Variants in PLEKHM3 observed in about 807,000 individuals in gnomAD.
PLEKHM3 encodes pleckstrin homology domain containing M3.
Under a neutral mutation model 81.8 loss-of-function variants are expected in PLEKHM3, and 45 were observed. The ratio of observed to expected loss-of-function variants is 0.55; its 90% CI spans 0.43 to 0.71. The LOEUF is 0.71. PLEKHM3 is among the 30% of genes least tolerant of loss of function. The probability of loss-of-function intolerance (pLI) is 0.00; values close to 1 mark genes in which losing one functional copy is unlikely to be tolerated. For synonymous variants in PLEKHM3, 352 were observed against 356.4 expected (o/e 0.99, Z 0.14); for missense variants, 788 against 924.3 (o/e 0.85, Z 1.91).
intron 1 of PLEKHM3, among the ~76,000 whole-genome samples, chr2:208,003,432 A>C (rs1385900055): frequency 6.6e-6 from 1 of 152,156 alleles, no homozygotes; most frequent in African/African-American, 2.4e-5. Flanking sequence ...TAGGTCATTA[A>C]ACCACTACAT....
chr2:207,979,406 C>CCT (rs1691444571), intron 2 of PLEKHM3, among the ~76,000 whole-genome samples: 1 of 152,006 alleles, frequency 6.6e-6, no homozygotes, highest in Non-Finnish European at 1.5e-5. Flanking sequence ...TGGTGGCATG[C>CCT]GCCTGTAATC....
Position 207,828,047 on chromosome 2 carries a change from A to G in PLEKHM3, c.*272T>C, listed in dbSNP as rs918603264. ...TGTATACCACGTTTTGTCTGGGAGCAAGCAGCTGAAATTCTTGGCTAAGTG... is the reference window on the plus strand; with the variant it reads ...TGTATACCACGTTTTGTCTGGGAGCGAGCAGCTGAAATTCTTGGCTAAGTG... On this transcript the variant is annotated 3_prime_UTR_variant, in exon 8 of 8. Coordinates refer to ENST00000427836, the MANE Select transcript of PLEKHM3 (RefSeq NM_001080475.3). 11 of 234,772 alleles carry G rather than the reference A, an allele frequency of 4.7e-5. No individual in the cohort carries two copies. The highest frequency in any genetic ancestry group is 8.9e-5 in the Non-Finnish European group (11 of 124,164). 14.5% of individuals were successfully genotyped at this position (234,772 alleles called of 1,614,324 possible). A position where few individuals can be genotyped will look rare whatever the true frequency, so the allele number is the denominator to read the frequency against.
chr2:207,940,755 A>G (rs1273251465), intron 4 of PLEKHM3, among the ~76,000 whole-genome samples: 4 of 152,228 alleles, frequency 2.6e-5, no homozygotes, highest in Non-Finnish European at 4.4e-5. Flanking sequence ...GGTGAGGAGC[A>G]ACAAAAAAGC....
intron 5 of PLEKHM3, chr2:207,929,943 A>T: frequency 1.4e-6 from 1 of 695,784 alleles, no homozygotes. Context: ...GGTCATTTCT[A>T]TTAAAACAAA....
Position 207,882,158 on chromosome 2 carries a change from T to G in PLEKHM3, c.1951-20896A>C, listed in dbSNP as rs965903552. Among the ~76,000 whole-genome samples, 11 of 152,332 alleles carry G rather than the reference T, an allele frequency of 7.2e-5. No individual in the cohort carries two copies. The East Asian group carries it at 1.9e-3, about 27-fold the overall frequency. ...ATGCCAGTAACATATTTTAGTCATTTGGGGAATGGGCAGCTTTAGAAACCA... is the reference window on the plus strand; with the variant it reads ...ATGCCAGTAACATATTTTAGTCATTGGGGGAATGGGCAGCTTTAGAAACCA... On this transcript the variant is annotated intron_variant, in intron 6 of 7. Transcript: ENST00000427836.
intron 6 of PLEKHM3, among the ~76,000 whole-genome samples, chr2:207,874,827 T>C (rs985561021): frequency 1.3e-5 from 2 of 151,868 alleles, no homozygotes; most frequent in Non-Finnish European, 2.9e-5. Context: ...CCTGACCTCA[T>C]GATCCGCCCG....
At chr2:207,867,730 T>C (rs1048917994) in intron 6 of PLEKHM3, among the ~76,000 whole-genome samples, 2 of 152,104 alleles carry the variant, frequency 1.3e-5, no homozygotes, top group African/African-American at 4.8e-5. Context: ...TTTATAAATA[T>C]ATTATTTATT....
intron 7 of PLEKHM3, among the ~76,000 whole-genome samples, chr2:207,852,139 T>C (rs887031776): frequency 3.9e-5 from 6 of 152,132 alleles, no homozygotes; most frequent in African/African-American, 1.4e-4. Context: ...TTCAAATTGA[T>C]TTTAGGGGGT....
At chr2:207,862,828 A>G (rs2092474620) in intron 6 of PLEKHM3, among the ~76,000 whole-genome samples, 1 of 152,192 alleles carries the variant, frequency 6.6e-6, no homozygotes, top group Non-Finnish European at 1.5e-5. Flanking sequence ...TAAAAACTGA[A>G]GTGGTTTTTA....
intron 2 of PLEKHM3, among the ~76,000 whole-genome samples, chr2:207,999,800 T>A (rs898334795): frequency 5.3e-5 from 8 of 152,212 alleles, no homozygotes; most frequent in African/African-American, 1.9e-4. Flanking sequence ...AACAGACATA[T>A]TAAACTATAT....
At chr2:207,859,312 A>G (rs2092454712) in intron 7 of PLEKHM3, among the ~76,000 whole-genome samples, 1 of 151,138 alleles carries the variant, frequency 6.6e-6, no homozygotes, top group Non-Finnish European at 1.5e-5. Context: ...CTAATTTTGT[A>G]TTTTTAGTAG....
chr2:207,996,201 G>C (rs1021266351), intron 2 of PLEKHM3, among the ~76,000 whole-genome samples: 4 of 152,164 alleles, frequency 2.6e-5, no homozygotes, highest in African/African-American at 9.7e-5. Context: ...CACAGTCAGG[G>C]AGAGAAAATC....
intron 4 of PLEKHM3, among the ~76,000 whole-genome samples, chr2:207,931,845 T>C (rs1689609688): frequency 6.6e-6 from 1 of 152,300 alleles, no homozygotes; most frequent in East Asian, 1.9e-4. Flanking sequence ...TGGTGGCACA[T>C]GCCTGTAATC....
rs755909085 is a variant in PLEKHM3, at chr2:207,861,157, T to C, written c.2056A>G (p.Ile686Val). 3 of 1,614,012 alleles carry C rather than the reference T, an allele frequency of 1.9e-6. No individual in the cohort carries two copies. The highest frequency in any genetic ancestry group is 1.1e-5 in the South Asian group (1 of 91,076). Residue 686 changes from isoleucine (I) to valine (V), a missense_variant, in exon 7 of 8, where the codon ATC becomes GTC. By Grantham distance (29) the Ile-to-Val change is conservative. Coordinates refer to ENST00000427836, the MANE Select transcript of PLEKHM3 (RefSeq NM_001080475.3). ...LCSQKGFICE[I>V]CNNGEILYPF... ...TAGAGGATCTCTCCATTGTTACAGATTTCACAGATGAACCCCTTCTGGCTA... is the reference window on the plus strand; with the variant it reads ...TAGAGGATCTCTCCATTGTTACAGACTTCACAGATGAACCCCTTCTGGCTA...
At chr2:207,999,258 G>A (rs1328214108) in intron 2 of PLEKHM3, among the ~76,000 whole-genome samples, 1 of 151,896 alleles carries the variant, frequency 6.6e-6, no homozygotes, top group Non-Finnish European at 1.5e-5. Context: ...TTACAGGCAT[G>A]AGCCACCATG....
At position 207,901,455 on chromosome 2, in the gene PLEKHM3, G is replaced by A. The variant is rs181773438; in HGVS notation, c.1950+7059C>T. On this transcript the variant is annotated intron_variant, in intron 6 of 7. Coordinates refer to ENST00000427836, the MANE Select transcript of PLEKHM3 (RefSeq NM_001080475.3). ...GCTCAGCAGGTAGTAAGGACATCAAGACTGAAAGTGAGAAGTCAGAAGACC... is the reference window on the plus strand; with the variant it reads ...GCTCAGCAGGTAGTAAGGACATCAAAACTGAAAGTGAGAAGTCAGAAGACC... 3 of 650,170 alleles carry A rather than the reference G, an allele frequency of 4.6e-6. No homozygotes were observed. The African/African-American group carries it at 5.4e-5, about 12-fold the overall frequency. 40.3% of individuals were successfully genotyped at this position (650,170 alleles called of 1,614,324 possible). A position where few individuals can be genotyped will look rare whatever the true frequency, so the allele number is the denominator to read the frequency against.
In PLEKHM3 at chr2:207,827,963, G is replaced by A. The variant is rs1292488186; in HGVS notation, c.*356C>T. ...CAGGAAATGCTTCCTTTTGTGTCTT[G>A]GGTAATAAAATGTACCGAGAGACAG... On this transcript the variant is annotated 3_prime_UTR_variant, in exon 8 of 8. Transcript: ENST00000427836. 6.4e-6 allele frequency: 1 copy of A among 157,334 alleles called. No homozygotes were observed. Among genetic ancestry groups the A allele is most frequent in the African/African-American group, 2.4e-5 (1 of 41,610 alleles). The allele number at this position is 157,334 out of a possible 1,614,324, so 9.7% of individuals were successfully genotyped here.
Position 207,977,335 on chromosome 2 carries a change from G to C in PLEKHM3, c.862C>G (p.Leu288Val). The C allele has an allele frequency of 1.2e-6, 2 of 1,614,138 alleles. No homozygotes were observed. Among genetic ancestry groups the C allele is most frequent in the Non-Finnish European group, 1.7e-6 (2 of 1,180,012 alleles). Residue 288 changes from leucine to valine, a missense_variant, in exon 3 of 8, where the codon CTA becomes GTA. Coordinates refer to ENST00000427836, the MANE Select transcript of PLEKHM3 (RefSeq NM_001080475.3). ...TVLYDNTQLQ[L>V]KAESPWEALD... ...GCCTCCCATGGTGACTCTGCCTTTA[G>C]CTGTAGCTGAGTGTTGTCATACAAA...
At chr2:208,004,360 G>A (rs140589109) in intron 1 of PLEKHM3, among the ~76,000 whole-genome samples, 5 of 151,806 alleles carry the variant, frequency 3.3e-5, no homozygotes, top group Non-Finnish European at 7.4e-5. Flanking sequence ...GGAGGTTGCA[G>A]TGAGCTGAGA....
Sources: allele counts gnomAD v4.1 joint callset (sites outside exome capture counted in the v4.1 genomes callset), GRCh38; gene constraint gnomAD v4.1.1; transcripts MANE v1.5; gene names NCBI Gene and HGNC (gene_info 2026-07-23, HGNC 2026-07-21).